The following GGPS1 variants were observed in gnomAD, a reference collection of about 807,000 sequenced individuals.
GGPS1 encodes geranylgeranyl pyrophosphate synthase.
In GGPS1, 15 loss-of-function variants were observed where a neutral mutation model predicts 28.1. That is an observed-to-expected ratio of 0.53 (90% CI 0.36 to 0.82). The LOEUF is 0.82. Among genes scored for constraint, GGPS1 ranks in the 40% least tolerant of loss-of-function variants. The pLI, the probability that GGPS1 is intolerant of heterozygous loss-of-function variation, is 0.01. For synonymous variants in GGPS1, 138 were observed against 122.4 expected, an observed-to-expected ratio of 1.13 and a Z score of -0.84; for missense variants, 284 against 348.3, an observed-to-expected ratio of 0.82 and a Z score of 1.47.
upstream of GGPS1, chr1:235,327,505 G>A (rs1168882499): frequency 6.6e-6 from 1 of 152,238 alleles, no homozygotes; most frequent in African/African-American, 2.4e-5. Context: ...CAACGTGAGG[G>A]CCGAGGGCCC....
At chr1:235,328,398 C>G (rs1048058839), upstream of GGPS1, 4 of 152,394 alleles carry the variant, frequency 2.6e-5, no homozygotes, top group African/African-American at 9.7e-5. Flanking sequence ...AGTTACGCCT[C>G]AAGGCTTTCT....
At chr1:235,334,800 T>C (rs894099574) in intron 1 of GGPS1, among the ~76,000 whole-genome samples, 12 of 152,120 alleles carry the variant, frequency 7.9e-5, no homozygotes, top group African/African-American at 2.9e-4. Flanking sequence ...TGCAGTGGTG[T>C]GATCTCAGCT....
intron 2 of GGPS1, among the ~76,000 whole-genome samples, chr1:235,340,769 A>G (rs1394885738): frequency 5.4e-4 from 81 of 151,012 alleles, no homozygotes; most frequent in Middle Eastern, 3.4e-3. Flanking sequence ...CAAGAAAGAA[A>G]AAAAGAAGAT....
At chr1:235,338,586 T>C (rs1055035835) in intron 2 of GGPS1, among the ~76,000 whole-genome samples, 5 of 152,188 alleles carry the variant, frequency 3.3e-5, no homozygotes, top group Non-Finnish European at 5.9e-5. Context: ...GTTTAAGTGA[T>C]ACAGGCCAAG....
intron 2 of GGPS1, among the ~76,000 whole-genome samples, chr1:235,341,420 T>G (rs903929891): frequency 6.6e-6 from 1 of 152,206 alleles, no homozygotes; most frequent in Admixed American, 6.6e-5. Flanking sequence ...AATTGTTTAT[T>G]CAAGTTCAGA....
chr1:235,336,926 A>T (rs540666271), intron 2 of GGPS1: 1 of 157,660 alleles, frequency 6.3e-6, no homozygotes, highest in East Asian at 1.9e-4. Context: ...GGCCGACCCT[A>T]ATAGAGACTC....
At chr1:235,327,751 C>G (rs1469619309), upstream of GGPS1, 1 of 152,678 alleles carries the variant, frequency 6.5e-6, no homozygotes, top group East Asian at 1.9e-4. Flanking sequence ...CCACGAAAGC[C>G]CCAGAAAATA....
At chr1:235,328,022 T>A (rs1432619140), upstream of GGPS1, 1 of 152,328 alleles carries the variant, frequency 6.6e-6, no homozygotes, top group Non-Finnish European at 1.5e-5. Context: ...GGGCCCCCAA[T>A]CGCGCTGCCC....
chr1:235,335,738 A>G (rs57328330), intron 2 of GGPS1, among the ~76,000 whole-genome samples: 20,261 of 152,272 alleles, frequency 0.13, 1,557 homozygotes, highest in African/African-American at 0.2. Flanking sequence ...ATCTTGAAAA[A>G]TAAAAATACT....
intron 1 of GGPS1, among the ~76,000 whole-genome samples, chr1:235,331,707 C>T (rs1675722698): frequency 6.7e-6 from 1 of 149,642 alleles, no homozygotes; most frequent in Non-Finnish European, 1.5e-5. Context: ...AGATGGTTTA[C>T]AGTATGGGGA....
At chr1:235,340,708 C>T (rs1676012242) in intron 2 of GGPS1, among the ~76,000 whole-genome samples, 1 of 120,876 alleles carries the variant, frequency 8.3e-6, no homozygotes, top group African/African-American at 3.1e-5. Context: ...TGCACTCCAG[C>T]CTGGGCGACA....
At chr1:235,337,317 C>T (rs1161309159) in intron 2 of GGPS1, among the ~76,000 whole-genome samples, 2 of 152,144 alleles carry the variant, frequency 1.3e-5, no homozygotes, top group Admixed American at 6.5e-5. Flanking sequence ...TATGCTGTGA[C>T]CACCTTCTGT....
Position 235,342,297 on chromosome 1 carries a change from A to C in GGPS1, c.428A>C (p.Glu143Ala). 6.2e-7 allele frequency: 1 copy of C among 1,614,158 alleles called. No homozygotes were observed. Among genetic ancestry groups the C allele is most frequent in the Non-Finnish European group, 8.5e-7 (1 of 1,179,978 alleles). ...RDNYTCPTEE[E>A]YKAMVLQKTG... The stretch of plus-strand genomic sequence containing the variant: ...AATTACACTTGTCCCACTGAAGAAG[A>C]ATATAAAGCTATGGTGCTGCAGAAA... The change falls in exon 4 of 4, where the codon GAA becomes GCA. Residue 143 changes from glutamate (E) to alanine (A), a missense_variant. Coordinates refer to ENST00000282841, the MANE Select transcript of GGPS1 (RefSeq NM_004837.4).
intron 1 of GGPS1, among the ~76,000 whole-genome samples, chr1:235,334,986 C>T (rs1244571381): frequency 2.6e-5 from 4 of 151,914 alleles, no homozygotes; most frequent in Admixed American, 2.6e-4. Context: ...GCTAATTTTT[C>T]ATATTTTTAG....
chr1:235,334,160 A>G (rs1046824910), intron 1 of GGPS1, among the ~76,000 whole-genome samples: 6 of 152,188 alleles, frequency 3.9e-5, no homozygotes, highest in Admixed American at 2.6e-4. Flanking sequence ...GATTGTAGAG[A>G]AACTACTAGG....
intron 1 of GGPS1, chr1:235,330,274 G>T (rs1276722254): frequency 6.6e-6 from 1 of 152,190 alleles, no homozygotes; most frequent in African/African-American, 2.4e-5. Context: ...CACGAGGTCA[G>T]GAGATCGAGA....
chr1:235,341,173 T>G (rs1460984656), intron 2 of GGPS1, among the ~76,000 whole-genome samples: 7 of 151,826 alleles, frequency 4.6e-5, no homozygotes, highest in African/African-American at 1.7e-4. Flanking sequence ...CTATAAAATA[T>G]ACAAAAATTA....
chr1:235,328,431 G>C (rs1675514700), upstream of GGPS1: 1 of 152,264 alleles, frequency 6.6e-6, no homozygotes, highest in Non-Finnish European at 1.5e-5. Context: ...CCATACTCTG[G>C]GGCCAACGCG....
rs1166057534 is a variant in GGPS1 at position 235,342,757 on chromosome 1, A to G, written c.888A>G (p.Lys296=). 2.5e-6 allele frequency: 4 copies of G among 1,577,420 alleles called. No homozygotes were observed. ...TAAAACACTTAAGTAAGATGTTCAA[A>G]GAAGAAAATGAATAATGTTAAGCCA... is the stretch of plus-strand genomic sequence containing the variant. ...ALVKHLSKMF[K]EENE Residue 296 remains lysine (K), a synonymous_variant, in exon 4 of 4, where the codon AAA becomes AAG. Transcript: ENST00000282841.
Sources: gnomAD v4.1 joint callset for allele counts (sites outside exome capture counted in the v4.1 genomes callset) on GRCh38, gnomAD v4.1.1 for gene constraint, MANE v1.5 for transcripts, NCBI Gene and HGNC (gene_info 2026-07-23, HGNC 2026-07-21) for gene names.